The following GABRR1 variants were observed in gnomAD, a reference collection of about 807,000 sequenced individuals.
GABRR1 encodes the protein gamma-aminobutyric acid type A receptor subunit rho1, also known as gamma-aminobutyric acid receptor subunit rho-1.
A neutral mutation model predicts 55.5 loss-of-function variants in GABRR1; 59 were observed. The ratio of observed to expected loss-of-function variants is 1.06; its 90% CI spans 0.86 to 1.32. The LOEUF (loss-of-function observed/expected upper bound fraction) is 1.32, where lower values mean the gene tolerates loss of function less well. GABRR1 is among the 40% of genes most tolerant of loss of function. The pLI, the probability that GABRR1 is intolerant of heterozygous loss-of-function variation, is 0.00. For synonymous variants in GABRR1, 213 were observed against 226.0 expected (o/e 0.94, Z 0.51); for missense variants, 602 against 619.1 (o/e 0.97, Z 0.29).
intron 6 of GABRR1, 68 bp downstream of exon 6, chr6:89,190,097 G>T (rs2127793874): frequency 9.1e-7 from 1 of 1,093,830 alleles, no homozygotes. Context: ...TGTTCCTGCA[G>T]CTGAGAGTTA....
At chr6:89,226,506 A>AT (rs1481870773) in intron 1 of GABRR1, among the ~76,000 whole-genome samples, 17 of 152,044 alleles carry the variant, frequency 1.1e-4, no homozygotes, top group Non-Finnish European at 2.1e-4. Context: ...TCCCAGCACC[A>AT]TTTTTTAAAC....
At chr6:89,185,586 C>T in intron 6 of GABRR1, 136 bp from the exon 7 acceptor site, 2 of 731,246 alleles carry the variant, frequency 2.7e-6, no homozygotes, top group Non-Finnish European at 4.6e-6. Flanking sequence ...AAACAAACCA[C>T]AGTCTAAACA....
At chr6:89,193,714 T>A (rs1168660063) in intron 5 of GABRR1, among the ~76,000 whole-genome samples, 1 of 152,118 alleles carries the variant, frequency 6.6e-6, no homozygotes, top group African/African-American at 2.4e-5. Flanking sequence ...AGCTTCCAGT[T>A]CCAAAATCGT....
At position 89,198,078 on chromosome 6, in the gene GABRR1, T is replaced by A. The variant is rs781156704; in HGVS notation, c.514A>T (p.Thr172Ser). ...HSKRSFIHDT[T>S]TDNVMLRVQP... ...ACCCGCAACATGACGTTGTCTGTGG[T>A]GGTGTCGTGGATGAAGGAGCGTTTG... The change falls in exon 5 of 10, where the codon ACC becomes TCC. Residue 172 changes from threonine to serine, a missense_variant. Physicochemically the swap from Thr to Ser is moderately conservative, Grantham distance 58. Around this residue, in one of 3 missense-constraint regions of GABRR1, gnomAD observed 435 missense variants for 424.2 expected, o/e 1.03. Coordinates refer to ENST00000454853, the MANE Select transcript of GABRR1 (RefSeq NM_002042.5). The A allele has an allele frequency of 1.2e-6, 2 of 1,614,056 alleles. No homozygotes were observed. The highest frequency in any genetic ancestry group is 1.7e-6 in the Non-Finnish European group (2 of 1,180,008).
At chr6:89,231,034 G>A (rs1247899021) in intron 1 of GABRR1, among the ~76,000 whole-genome samples, 9 of 151,946 alleles carry the variant, frequency 5.9e-5, no homozygotes, top group African/African-American at 1.9e-4. Context: ...TTCCAGGTGC[G>A]TCCATCACCC....
chr6:89,206,618 C>CT (rs139149933), intron 1 of GABRR1, among the ~76,000 whole-genome samples: 403 of 145,450 alleles, frequency 2.8e-3, no homozygotes, highest in East Asian at 6.0e-3. Context: ...AGAGACTGTA[C>CT]TTTTTTTTTT....
chr6:89,214,686 T>C (rs9344915), intron 1 of GABRR1, among the ~76,000 whole-genome samples: 79,273 of 151,820 alleles, frequency 0.52, 21,086 homozygotes, highest in Middle Eastern at 0.6. Context: ...AAATGCAAAT[T>C]TGAACCACAG....
At chr6:89,196,822 GGAAAGAAAGAAAGAAAGAAA>G (rs59446411) in intron 5 of GABRR1, among the ~76,000 whole-genome samples, 8,956 of 91,018 alleles carry the variant, frequency 0.098, 389 homozygotes, top group Non-Finnish European at 0.13. Flanking sequence ...AAGAAAAGAA[GGAAAGAAAGAAAGAAAGAAA>G]GAAAGAAAGA....
chr6:89,217,448 C>A, upstream of GABRR1: 1 of 1,038,594 alleles, frequency 9.6e-7, no homozygotes, highest in Non-Finnish European at 1.4e-6. Context: ...AAAAAAAAAT[C>A]AACCCACAGG....
intron 7 of GABRR1, among the ~76,000 whole-genome samples, chr6:89,183,160 C>A (rs56208352): frequency 1.3e-3 from 185 of 137,852 alleles, no homozygotes; most frequent in Non-Finnish European, 1.8e-3. Context: ...AAAAAAAAGA[C>A]AAAAAAAAAA....
intron 1 of GABRR1, among the ~76,000 whole-genome samples, chr6:89,225,865 G>C (rs532288293): frequency 5.3e-4 from 74 of 138,894 alleles, no homozygotes; most frequent in Non-Finnish European, 8.3e-4. Context: ...GGTTGAACTA[G>C]TTTACAGTCC....
intron 2 of GABRR1, among the ~76,000 whole-genome samples, chr6:89,203,039 T>G (rs1344506215): frequency 6.6e-6 from 1 of 152,092 alleles, no homozygotes; most frequent in African/African-American, 2.4e-5. Context: ...AACTAGAAAG[T>G]GCTACACAAA....
intron 6 of GABRR1, among the ~76,000 whole-genome samples, 182 bp from the exon 7 acceptor site, chr6:89,185,632 TCTCCA>T (rs1771880286): frequency 6.6e-6 from 1 of 152,108 alleles, no homozygotes; most frequent in South Asian, 2.1e-4. Context: ...AATCTAATTA[TCTCCA>T]CTCTTCCAAA....
intron 5 of GABRR1, among the ~76,000 whole-genome samples, chr6:89,195,189 G>A (rs992736685): frequency 9.9e-5 from 15 of 152,280 alleles, no homozygotes; most frequent in Admixed American, 9.2e-4. Context: ...GGCCGGGCAT[G>A]GTGGCTCACG....
At chr6:89,225,188 G>T (rs183709792) in intron 1 of GABRR1, among the ~76,000 whole-genome samples, 22 of 151,488 alleles carry the variant, frequency 1.5e-4, no homozygotes, top group Non-Finnish European at 2.9e-4. Context: ...ATTCTCTTGC[G>T]TGTGGCTTGC....
chr6:89,212,749 GC>G (rs1772870861), intron 1 of GABRR1, among the ~76,000 whole-genome samples: 3 of 152,080 alleles, frequency 2.0e-5, no homozygotes. Context: ...GCTCACTGCA[GC>G]CTTGACATCC....
At chr6:89,190,865 T>G (rs1034973088) in intron 5 of GABRR1, among the ~76,000 whole-genome samples, 13 of 152,256 alleles carry the variant, frequency 8.5e-5, no homozygotes, top group African/African-American at 3.1e-4. Context: ...TTGAGTGATT[T>G]TATTTCAGAA....
At chr6:89,188,077 T>A (rs561536406) in intron 6 of GABRR1, among the ~76,000 whole-genome samples, 7 of 152,090 alleles carry the variant, frequency 4.6e-5, no homozygotes, top group African/African-American at 1.7e-4. Flanking sequence ...AGTGCAGTGG[T>A]GCAATCATAG....
intron 3 of GABRR1, 21 bp from the exon 4 acceptor site, chr6:89,199,450 G>A: frequency 6.2e-7 from 1 of 1,611,218 alleles, no homozygotes. Context: ...AGCATGGCAA[G>A]AGCATTCACT....
Sources: gnomAD v4.1 joint callset for allele counts (sites outside exome capture counted in the v4.1 genomes callset) on GRCh38, gnomAD v4.1.1 for gene constraint, gnomAD v4.1.1 regional missense constraint, MANE v1.5 for transcripts, NCBI Gene and HGNC (gene_info 2026-07-23, HGNC 2026-07-21) for gene names.